The following ADK variants were observed in gnomAD, a reference collection of about 807,000 sequenced individuals.
ADK encodes the protein adenosine kinase.
In ADK, 24 loss-of-function variants were observed where a neutral mutation model predicts 44.7. That is an observed-to-expected ratio of 0.54 (90% CI 0.39 to 0.76). The LOEUF (loss-of-function observed/expected upper bound fraction) is 0.76, where lower values mean the gene tolerates loss of function less well. Ranked by LOEUF, ADK falls within the 30% of genes least tolerant of loss-of-function variation. The pLI, the probability that ADK is intolerant of heterozygous loss-of-function variation, is 0.00. For synonymous variants in ADK, 128 were observed against 142.6 expected (o/e 0.90, Z 0.73); for missense variants, 321 against 425.1 (o/e 0.76, Z 2.15).
intron 3 of ADK, among the ~76,000 whole-genome samples, chr10:74,296,712 C>A (rs1444734814): frequency 6.6e-6 from 1 of 151,508 alleles, no homozygotes; most frequent in Non-Finnish European, 1.5e-5. Flanking sequence ...CCCAGGTTCA[C>A]ACCATTCGCC....
intron 10 of ADK, among the ~76,000 whole-genome samples, chr10:74,704,786 C>T (rs1856541998): frequency 6.6e-6 from 1 of 152,174 alleles, no homozygotes; most frequent in South Asian, 2.1e-4. Flanking sequence ...GCTTATAAGG[C>T]GTCTAATAGA....
chr10:74,540,499 ACC>A (rs1849590804), intron 7 of ADK, among the ~76,000 whole-genome samples: 1 of 151,784 alleles, frequency 6.6e-6, no homozygotes, highest in East Asian at 1.9e-4. Flanking sequence ...TCACTCTGTT[ACC>A]CAGGCTGGAG....
intron 2 of ADK, 40 bp downstream of exon 2, chr10:74,200,878 C>T (rs867524809): frequency 1.5e-6 from 2 of 1,300,450 alleles, no homozygotes; most frequent in Admixed American, 1.7e-5. Flanking sequence ...GTGGAACTTA[C>T]ATTTGAAGAA....
At chr10:74,293,294 T>A (rs1839694172) in intron 3 of ADK, among the ~76,000 whole-genome samples, 1 of 152,150 alleles carries the variant, frequency 6.6e-6, no homozygotes. Context: ...TTTTTATACT[T>A]TTGTATGTTT....
intron 1 of ADK, 112 bp downstream of exon 1, chr10:74,151,455 G>C: frequency 8.2e-7 from 1 of 1,217,578 alleles, no homozygotes; most frequent in Non-Finnish European, 1.2e-6. Flanking sequence ...CCAGCTTGGG[G>C]CCAACACGCA....
intron 3 of ADK, among the ~76,000 whole-genome samples, chr10:74,302,146 T>TTTTTTTG: frequency 8.6e-6 from 1 of 116,084 alleles, no homozygotes; most frequent in African/African-American, 3.3e-5. Flanking sequence ...TTTTTTTTTT[T>TTTTTTTG]GAGATGGAGT....
intron 6 of ADK, among the ~76,000 whole-genome samples, chr10:74,420,762 A>G (rs1003601354): frequency 4.6e-5 from 7 of 152,112 alleles, no homozygotes; most frequent in Non-Finnish European, 8.8e-5. Context: ...AACTCTCCCT[A>G]CAGTTTAACT....
intron 6 of ADK, among the ~76,000 whole-genome samples, chr10:74,416,122 G>GCT (rs1368242450): frequency 1.3e-5 from 2 of 151,060 alleles, no homozygotes; most frequent in African/African-American, 4.9e-5. Context: ...TGAAATACCA[G>GCT]TTTTTTTCTG....
At chr10:74,258,567 C>T (rs1029993094) in intron 3 of ADK, among the ~76,000 whole-genome samples, 4 of 152,024 alleles carry the variant, frequency 2.6e-5, no homozygotes, top group South Asian at 2.1e-4. Context: ...TAGCAGGATA[C>T]GGTACATCAT....
rs555285269 is a variant in ADK at position 74,366,718 on chromosome 10, CT to C, written c.274-27422del. ...GCTGAGGCAGGTGGATCACTTGAGTCTAGGAGTTCGAGATTAGCCTGGGCAA... is the reference window on the plus strand; with the variant it reads ...GCTGAGGCAGGTGGATCACTTGAGTCAGGAGTTCGAGATTAGCCTGGGCAA... On this transcript the variant is annotated intron_variant, in intron 4 of 10. Coordinates refer to ENST00000539909, the MANE Select transcript of ADK (RefSeq NM_006721.4). 2.5e-3 allele frequency among the ~76,000 whole-genome samples: 377 copies of C among 152,110 alleles called. 3 individuals carry two copies. Among genetic ancestry groups the C allele is most frequent in the African/African-American group, 8.7e-3 (362 of 41,532 alleles).
rs954028434 is a variant in ADK at position 74,500,246 on chromosome 10, A to G, written c.556-25010A>G. On this transcript the variant is annotated intron_variant, in intron 6 of 10. Transcript: ENST00000539909. ...ACTACCTCTAGTGTTTCTGCAATAC[A>G]GTGTTCTGTATTACAGCCTTGACTA... 3.9e-5 allele frequency among the ~76,000 whole-genome samples: 6 copies of G among 152,260 alleles called. No individual in the cohort carries two copies. In the South Asian group the frequency reaches 1.0e-3, roughly 26 times the overall value.
chr10:74,594,116 C>T (rs756624730), intron 8 of ADK, among the ~76,000 whole-genome samples: 6 of 144,556 alleles, frequency 4.2e-5, no homozygotes, highest in African/African-American at 7.7e-5. Context: ...TGTTCTCACT[C>T]GTAAGTGGGA....
In ADK at chr10:74,263,707, A is replaced by G. The variant is rs148287718; in HGVS notation, c.194+39116A>G. Reference sequence around the variant, plus strand: ...ATGCTTTTCTTAGTGCTTAAAATATATGTGTATATATTCATAAGCAATATG... The same window carrying G: ...ATGCTTTTCTTAGTGCTTAAAATATGTGTGTATATATTCATAAGCAATATG... On this transcript the variant is annotated intron_variant, in intron 3 of 10. Coordinates refer to ENST00000539909, the MANE Select transcript of ADK (RefSeq NM_006721.4). Among the ~76,000 whole-genome samples the G allele has an allele frequency of 5.0e-4, 76 of 152,316 alleles. No individual in the cohort carries two copies. In the Middle Eastern group the frequency reaches 0.02, roughly 41 times the overall value.
intron 7 of ADK, chr10:74,529,417 A>G (rs1352713695): frequency 6.6e-6 from 1 of 152,094 alleles, no homozygotes; most frequent in Non-Finnish European, 1.5e-5. Context: ...TGGGATGATG[A>G]AAAAGTTCTG....
chr10:74,197,649 GATC>G (rs1175421147), intron 1 of ADK, among the ~76,000 whole-genome samples: 3 of 146,494 alleles, frequency 2.0e-5, no homozygotes, highest in Non-Finnish European at 4.5e-5. Context: ...AGTGAGCAGA[GATC>G]ATGCCATTGC....
At chr10:74,296,682 GCTCAC>G (rs1405268378) in intron 3 of ADK, among the ~76,000 whole-genome samples, 11 of 151,018 alleles carry the variant, frequency 7.3e-5, no homozygotes, top group African/African-American at 2.7e-4. Context: ...CGCCATCTTG[GCTCAC>G]TGCAAGCCCC....
intron 7 of ADK, among the ~76,000 whole-genome samples, chr10:74,544,624 C>T (rs1449369930): frequency 6.6e-6 from 1 of 152,092 alleles, no homozygotes; most frequent in East Asian, 1.9e-4. Context: ...CACTTGTAAT[C>T]CCAGCATTTT....
At chr10:74,405,258 C>T (rs548796449) in intron 6 of ADK, among the ~76,000 whole-genome samples, 20 of 152,110 alleles carry the variant, frequency 1.3e-4, no homozygotes, top group African/African-American at 3.6e-4. Flanking sequence ...TCTGGTACTG[C>T]AACTATATCA....
intron 9 of ADK, chr10:74,655,528 CAATG>C: frequency 2.0e-6 from 1 of 501,008 alleles, no homozygotes; most frequent in South Asian, 1.6e-5. Flanking sequence ...AGGAAGAAAA[CAATG>C]AACCAGATGT....
Sources: gnomAD v4.1 joint callset for allele counts (sites outside exome capture counted in the v4.1 genomes callset) on GRCh38, gnomAD v4.1.1 for gene constraint, MANE v1.5 for transcripts, NCBI Gene and HGNC (gene_info 2026-07-23, HGNC 2026-07-21) for gene names.